The following TMPRSS12 variants were observed in gnomAD, a reference collection of about 807,000 sequenced individuals.
TMPRSS12 encodes transmembrane protease serine 12.
In TMPRSS12, 25 loss-of-function variants were observed where a neutral mutation model predicts 26.0. The observed-to-expected ratio is 0.96, with a 90% CI of 0.70 to 1.34. TMPRSS12 has a LOEUF of 1.34. TMPRSS12 is among the 40% of genes most tolerant of loss of function. TMPRSS12 has a pLI of 0.00. For synonymous variants in TMPRSS12, 150 were observed against 161.7 expected (o/e 0.93, Z 0.55); for missense variants, 441 against 440.1 (o/e 1.00, Z -0.02).
intron 3 of TMPRSS12, among the ~76,000 whole-genome samples, chr12:50,873,722 C>A (rs993013143): frequency 3.3e-5 from 5 of 152,180 alleles, no homozygotes; most frequent in Non-Finnish European, 5.9e-5. Context: ...GATAAGTTTG[C>A]TACTGGCATC....
intron 3 of TMPRSS12, among the ~76,000 whole-genome samples, chr12:50,869,110 AC>A (rs1477482670): frequency 6.6e-6 from 1 of 151,976 alleles, no homozygotes; most frequent in Non-Finnish European, 1.5e-5. Context: ...AGAAAAAAAA[AC>A]AAACCCAAAC....
At chr12:50,885,189 TA>T in intron 3 of TMPRSS12, 56 bp from the exon 4 acceptor site, 1 of 1,484,232 alleles carries the variant, frequency 6.7e-7, no homozygotes, top group East Asian at 2.3e-5. Context: ...CACTAACATT[TA>T]AATCACTGTA....
intron 3 of TMPRSS12, among the ~76,000 whole-genome samples, chr12:50,868,935 G>C (rs1352731074): frequency 6.6e-6 from 1 of 152,014 alleles, no homozygotes; most frequent in Non-Finnish European, 1.5e-5. Flanking sequence ...AAATTAAAAA[G>C]TTCTTCAAAC....
chr12:50,885,231 A>AT lies in TMPRSS12; in HGVS notation c.653-9dup. The AT allele has an allele frequency of 1.3e-6, 2 of 1,566,502 alleles. No homozygotes were observed. The highest frequency in any genetic ancestry group is 1.7e-6 in the Non-Finnish European group (2 of 1,158,728). On this transcript the variant is annotated splice_polypyrimidine_tract_variant and intron_variant, in intron 3 of 4. Transcript: ENST00000398458. ...GTCTGCTCCAAGATAACTTACTGGT[A>AT]TTTTTTGTTAACAGGTAACGCTACA...
intron 3 of TMPRSS12, among the ~76,000 whole-genome samples, chr12:50,874,107 A>G (rs377021267): frequency 1.3e-5 from 2 of 152,186 alleles, no homozygotes; most frequent in African/African-American, 4.8e-5. Context: ...CCATTTAAAA[A>G]AAACCCAAGC....
chr12:50,870,513 T>C (rs887725971), intron 3 of TMPRSS12, among the ~76,000 whole-genome samples: 2 of 152,118 alleles, frequency 1.3e-5, no homozygotes, highest in African/African-American at 4.8e-5. Context: ...TGGGGAAAAG[T>C]TGAAAGCATT....
chr12:50,872,501 C>A (rs1592222768), intron 3 of TMPRSS12, among the ~76,000 whole-genome samples: 1 of 96,866 alleles, frequency 1.0e-5, no homozygotes, highest in Non-Finnish European at 1.8e-5. Flanking sequence ...GCCTGGGCGA[C>A]AGAGCGAGAC....
intron 3 of TMPRSS12, among the ~76,000 whole-genome samples, chr12:50,864,107 C>A (rs536178909): frequency 4.1e-4 from 62 of 152,230 alleles, no homozygotes; most frequent in Middle Eastern, 6.8e-3. Flanking sequence ...TCCCTCTCCC[C>A]AAAATATGTA....
At chr12:50,870,770 T>C (rs149644881) in intron 3 of TMPRSS12, among the ~76,000 whole-genome samples, 57 of 140,600 alleles carry the variant, frequency 4.1e-4, no homozygotes, top group Admixed American at 1.7e-3. Context: ...GATACAAGAT[T>C]AATGTACACA....
chr12:50,880,751 T>A (rs566634098), intron 3 of TMPRSS12, among the ~76,000 whole-genome samples: 1 of 152,058 alleles, frequency 6.6e-6, no homozygotes, highest in South Asian at 2.1e-4. Flanking sequence ...GTCCACCAAC[T>A]AGTGAATGGA....
intron 3 of TMPRSS12, among the ~76,000 whole-genome samples, chr12:50,869,186 A>T (rs867566145): frequency 2.7e-5 from 4 of 148,784 alleles, no homozygotes; most frequent in Middle Eastern, 3.5e-3. Context: ...CAAAAAAAAA[A>T]TACAAAAGAT....
At chr12:50,858,642 G>T in intron 2 of TMPRSS12, 143 bp from the exon 3 acceptor site, 1 of 625,056 alleles carries the variant, frequency 1.6e-6, no homozygotes. Context: ...CATGATATTT[G>T]TGTTATTTGA....
chr12:50,875,043 T>C (rs1217979519), intron 3 of TMPRSS12, among the ~76,000 whole-genome samples: 1 of 152,188 alleles, frequency 6.6e-6, no homozygotes, highest in Non-Finnish European at 1.5e-5. Flanking sequence ...ATGATATTGC[T>C]ATCAAGCTAC....
intron 2 of TMPRSS12, among the ~76,000 whole-genome samples, chr12:50,844,254 G>A (rs145117416): frequency 3.3e-5 from 5 of 152,086 alleles, no homozygotes; most frequent in African/African-American, 9.6e-5. Context: ...GTGCAGGTTT[G>A]TTACATAGGT....
chr12:50,872,209 C>G (rs2139731671), intron 3 of TMPRSS12, among the ~76,000 whole-genome samples: 1 of 152,250 alleles, frequency 6.6e-6, no homozygotes, highest in African/African-American at 2.4e-5. Context: ...CATCAATCAA[C>G]TAGTGGTTAA....
chr12:50,853,639 A>G (rs1481307892), intron 2 of TMPRSS12, among the ~76,000 whole-genome samples: 1 of 151,924 alleles, frequency 6.6e-6, no homozygotes, highest in Non-Finnish European at 1.5e-5. Flanking sequence ...AAAATCAGAA[A>G]TGACAAAGGG....
At chr12:50,871,436 A>C (rs2139731197) in intron 3 of TMPRSS12, among the ~76,000 whole-genome samples, 1 of 152,374 alleles carries the variant, frequency 6.6e-6, no homozygotes, top group African/African-American at 2.4e-5. Flanking sequence ...CACTTTGTAC[A>C]AAAATCAACT....
chr12:50,869,866 T>C (rs1256825532), intron 3 of TMPRSS12, among the ~76,000 whole-genome samples: 7 of 152,198 alleles, frequency 4.6e-5, no homozygotes, highest in Non-Finnish European at 8.8e-5. Flanking sequence ...GCAGATCACC[T>C]GAGGTCAGGA....
intron 2 of TMPRSS12, among the ~76,000 whole-genome samples, chr12:50,848,717 A>T (rs1937796978): frequency 6.6e-6 from 1 of 152,168 alleles, no homozygotes; most frequent in Admixed American, 6.5e-5. Context: ...TTATGAATAA[A>T]CCTTTATTAG....
Sources: gnomAD v4.1 joint callset for allele counts (sites outside exome capture counted in the v4.1 genomes callset) on GRCh38, gnomAD v4.1.1 for gene constraint, MANE v1.5 for transcripts, NCBI Gene and HGNC (gene_info 2026-07-23, HGNC 2026-07-21) for gene names.